PCDHA3: variants seen among roughly 807,000 people sequenced by gnomAD.
PCDHA3 encodes protocadherin alpha 3, also known as protocadherin alpha-3.
In PCDHA3, 41 loss-of-function variants were observed where a neutral mutation model predicts 62.2. The observed-to-expected ratio is 0.66, with a 90% confidence interval of 0.51 to 0.86. The LOEUF is 0.86. Among genes scored for constraint, PCDHA3 ranks in the 40% least tolerant of loss-of-function variants. The pLI is 0.00. For synonymous variants in PCDHA3, 640 were observed against 555.4 expected, an observed-to-expected ratio of 1.15 and a Z score of -2.14; for missense variants, 1,304 against 1,241.2, an observed-to-expected ratio of 1.05 and a Z score of -0.76.
chr5:140,879,564 A>G (rs1232052888), intron 1 of PCDHA3, among the ~76,000 whole-genome samples: 2 of 152,254 alleles, frequency 1.3e-5, no homozygotes, highest in Non-Finnish European at 1.5e-5. Context: ...CCATGAAAGA[A>G]TAAAATTGCC....
In PCDHA3 at chr5:140,852,911, C is replaced by T. The variant is rs2150524968; in HGVS notation, c.2394+49320C>T. The T allele has an allele frequency of 1.1e-4, 89 of 791,740 alleles. 5 individuals are homozygous for T. The highest frequency in any genetic ancestry group is 1.3e-4 in the Non-Finnish European group (82 of 639,880). The allele number at this position is 791,740 out of a possible 1,614,324, so 49.0% of individuals were successfully genotyped here. On this transcript the variant is annotated intron_variant, in intron 1 of 3. Coordinates refer to ENST00000522353, the MANE Select transcript of PCDHA3 (RefSeq NM_018906.3). Reference sequence around the variant, plus strand: ...TTTTTTTTTTTGAGTCAGAGTCTCGCTCTGTTGCCCAGGCTGGAGTGCAGT... The same window carrying T: ...TTTTTTTTTTTGAGTCAGAGTCTCGTTCTGTTGCCCAGGCTGGAGTGCAGT...
intron 1 of PCDHA3, among the ~76,000 whole-genome samples, chr5:140,957,527 T>C (rs1441282290): frequency 6.6e-6 from 1 of 152,138 alleles, no homozygotes; most frequent in African/African-American, 2.4e-5. Context: ...AGACATTCAG[T>C]GGGGATCTTA....
chr5:140,805,128 G>A (rs183815562), intron 1 of PCDHA3: 3 of 1,581,214 alleles, frequency 1.9e-6, no homozygotes, highest in African/African-American at 2.7e-5. Flanking sequence ...TCTTGGCAAA[G>A]ACATTTTGAA....
chr5:140,843,136 G>T (rs1554139779), intron 1 of PCDHA3: 3 of 1,596,026 alleles, frequency 1.9e-6, no homozygotes, highest in Non-Finnish European at 2.6e-6. Context: ...GCTACAACGC[G>T]TGGCTTTCGT....
At chr5:141,009,528 G>A in intron 3 of PCDHA3, 99 bp from the exon 4 acceptor site, 4 of 1,508,216 alleles carry the variant, frequency 2.7e-6, no homozygotes, top group Non-Finnish European at 3.5e-6. Flanking sequence ...TTCTGGGGAG[G>A]TTCAGCCTGC....
chr5:140,948,889 AT>A (rs1263260325), intron 1 of PCDHA3, among the ~76,000 whole-genome samples: 2 of 151,468 alleles, frequency 1.3e-5, no homozygotes, highest in Non-Finnish European at 3.0e-5. Flanking sequence ...TCTCTTTTAG[AT>A]TTTAAGTGGA....
intron 1 of PCDHA3, chr5:140,863,365 G>A (rs2047972870): frequency 2.5e-6 from 3 of 1,201,540 alleles, no homozygotes; most frequent in South Asian, 2.4e-5. Flanking sequence ...GCGGTGCTTG[G>A]CGCAGCTCAC....
intron 1 of PCDHA3, chr5:140,808,613 A>G (rs1554124655): frequency 1.9e-6 from 3 of 1,613,806 alleles, no homozygotes; most frequent in South Asian, 2.2e-5. Flanking sequence ...CCACATCTTC[A>G]CTGTGTCTGC....
intron 1 of PCDHA3, chr5:140,875,175 T>G (rs1301346750): frequency 5.0e-6 from 2 of 399,086 alleles, no homozygotes; most frequent in African/African-American, 4.1e-5. Context: ...GTCGAAACAT[T>G]AGAATTAAGA....
intron 3 of PCDHA3, among the ~76,000 whole-genome samples, chr5:140,985,909 T>C (rs1421545707): frequency 6.6e-6 from 1 of 151,912 alleles, no homozygotes; most frequent in Non-Finnish European, 1.5e-5. Flanking sequence ...CCGTCTAATT[T>C]TTTGTATTTT....
At chr5:140,817,338 C>T (rs1289238109) in intron 1 of PCDHA3, 1 of 152,250 alleles carries the variant, frequency 6.6e-6, no homozygotes, top group Non-Finnish European at 1.5e-5. Flanking sequence ...TTTACACTTG[C>T]TTGGAGCCCA....
chr5:140,827,695 T>C (rs1168812180), intron 1 of PCDHA3, among the ~76,000 whole-genome samples: 1 of 152,252 alleles, frequency 6.6e-6, no homozygotes, highest in Non-Finnish European at 1.5e-5. Context: ...CTGGTTGATA[T>C]TAATGTTGCA....
chr5:140,884,253 C>G (rs1356283866), intron 1 of PCDHA3: 2 of 1,613,302 alleles, frequency 1.2e-6, no homozygotes, highest in Non-Finnish European at 1.7e-6. Flanking sequence ...CTGACGGCCA[C>G]GGCAACGGTG....
At chr5:140,870,452 A>G in intron 1 of PCDHA3, 1 of 1,614,168 alleles carries the variant, frequency 6.2e-7, no homozygotes, top group Non-Finnish European at 8.5e-7. Context: ...GTGAACGACA[A>G]TGCGCCTGCG....
chr5:141,005,031 A>G (rs2098194150), intron 3 of PCDHA3, among the ~76,000 whole-genome samples: 1 of 152,212 alleles, frequency 6.6e-6, no homozygotes, highest in South Asian at 2.1e-4. Context: ...ATAATTGCCC[A>G]TATGTGATAC....
At chr5:140,874,326 GT>G (rs150189539) in intron 1 of PCDHA3, among the ~76,000 whole-genome samples, 3,860 of 152,194 alleles carry the variant, frequency 0.025, 154 homozygotes, top group African/African-American at 0.088. Flanking sequence ...GATCTTATCT[GT>G]TTTTTTCTCT....
chr5:140,871,999 T>C (rs116431688), intron 1 of PCDHA3, among the ~76,000 whole-genome samples: 316 of 152,330 alleles, frequency 2.1e-3, no homozygotes, highest in African/African-American at 7.4e-3. Flanking sequence ...CAGTGGCTAT[T>C]TACAGGTGAC....
chr5:140,884,441 GCACCGCCCACCGAGGGC>G (rs782266354), intron 1 of PCDHA3: 1 of 1,613,812 alleles, frequency 6.2e-7, no homozygotes, highest in Non-Finnish European at 8.5e-7. Flanking sequence ...GCGGTGCTCG[GCACCGCCCACCGAGGGC>G]GCGTGCGCGC....
chr5:140,840,795 A>T (rs1395855837), intron 1 of PCDHA3, among the ~76,000 whole-genome samples: 1 of 152,122 alleles, frequency 6.6e-6, no homozygotes, highest in African/African-American at 2.4e-5. Flanking sequence ...TGCTCACCTC[A>T]GAGTAATATA....
Sources: gnomAD v4.1 joint callset for allele counts (sites outside exome capture counted in the v4.1 genomes callset) on GRCh38, gnomAD v4.1.1 for gene constraint, MANE v1.5 for transcripts, NCBI Gene and HGNC (gene_info 2026-07-23, HGNC 2026-07-21) for gene names.